Variants in ARHGAP42 observed in about 807,000 individuals in gnomAD.
ARHGAP42 encodes rho GTPase-activating protein 42.
ARHGAP42 carries 63 observed loss-of-function variants against 125.0 expected under a neutral mutation model. The ratio of observed to expected loss-of-function variants is 0.50; its 90% CI spans 0.41 to 0.62. The LOEUF is 0.62. Ranked by LOEUF, ARHGAP42 falls within the 20% of genes least tolerant of loss-of-function variation. ARHGAP42 has a pLI of 0.00. For synonymous variants in ARHGAP42, 339 were observed against 351.0 expected (o/e 0.97, Z 0.38); for missense variants, 766 against 1,024.2 (o/e 0.75, Z 3.44).
intron 3 of ARHGAP42, among the ~76,000 whole-genome samples, chr11:100,832,119 T>G (rs138136104): frequency 3.7e-4 from 57 of 152,340 alleles, no homozygotes; most frequent in African/African-American, 1.3e-3. Context: ...AGAGATGGCT[T>G]TGTGAGCCCA....
chr11:100,863,126 C>T (rs912341990), intron 4 of ARHGAP42, among the ~76,000 whole-genome samples: 2 of 150,844 alleles, frequency 1.3e-5, no homozygotes, highest in Admixed American at 1.3e-4. Flanking sequence ...ATGTATAGAT[C>T]AATTTTCTTT....
chr11:100,863,981 C>A (rs565108676), intron 4 of ARHGAP42, among the ~76,000 whole-genome samples: 1 of 152,118 alleles, frequency 6.6e-6, no homozygotes, highest in Admixed American at 6.6e-5. Flanking sequence ...TTTGCATCAA[C>A]CAAATAATAT....
At chr11:100,961,203 C>A (rs951700065) in intron 14 of ARHGAP42, among the ~76,000 whole-genome samples, 1 of 151,872 alleles carries the variant, frequency 6.6e-6, no homozygotes, top group Admixed American at 6.6e-5. Flanking sequence ...CCCAAGTGTC[C>A]TTTGGTAAGC....
intron 4 of ARHGAP42, among the ~76,000 whole-genome samples, chr11:100,871,731 ATCACTGTTAGGTTCATTTGT>A (rs1002835853): frequency 2.6e-5 from 4 of 152,200 alleles, no homozygotes; most frequent in Non-Finnish European, 5.9e-5. Flanking sequence ...TTTGCTGAAC[ATCACTGTTAGGTTCATTTGT>A]TCTTTTTTTT....
At chr11:100,738,865 A>G (rs1470101812) in intron 1 of ARHGAP42, among the ~76,000 whole-genome samples, 1 of 152,226 alleles carries the variant, frequency 6.6e-6, no homozygotes, top group Non-Finnish European at 1.5e-5. Context: ...TTCCTTGCCA[A>G]GGTCAATGCT....
intron 11 of ARHGAP42, 120 bp downstream of exon 11, chr11:100,948,655 G>A: frequency 1.4e-6 from 1 of 737,616 alleles, no homozygotes; most frequent in Admixed American, 3.2e-5. Flanking sequence ...ATTAAAAAAG[G>A]AAATCAGGGG....
chr11:100,857,212 A>G (rs1385447201), intron 3 of ARHGAP42, among the ~76,000 whole-genome samples: 1 of 152,072 alleles, frequency 6.6e-6, no homozygotes. Context: ...TAACATTAAT[A>G]GAACGGGAGA....
At chr11:100,748,100 C>G (rs1450231062) in intron 1 of ARHGAP42, among the ~76,000 whole-genome samples, 1 of 151,956 alleles carries the variant, frequency 6.6e-6, no homozygotes, top group Non-Finnish European at 1.5e-5. Context: ...ACATGTTACA[C>G]TGTTAACTTT....
In ARHGAP42 at chr11:100,989,316, T is replaced by G. The variant is rs1171786389; in HGVS notation, c.*515T>G. ...GTCCTAAACATTTCAAGGATGTAAG[T>G]CTTTGTTTTAATATAACTTTATTTG... On this transcript the variant is annotated 3_prime_UTR_variant, in exon 24 of 24. Coordinates refer to ENST00000298815, the MANE Select transcript of ARHGAP42 (RefSeq NM_152432.4). 12 of 392,216 alleles carry G rather than the reference T, an allele frequency of 3.1e-5. No individual in the cohort carries two copies. Among genetic ancestry groups the G allele is most frequent in the Middle Eastern group, 1.3e-3 (2 of 1,584 alleles). 24.3% of individuals were successfully genotyped at this position (392,216 alleles called of 1,614,324 possible). A position where few individuals can be genotyped will look rare whatever the true frequency, so the allele number is the denominator to read the frequency against.
At chr11:100,788,261 T>C (rs1441218279) in intron 2 of ARHGAP42, among the ~76,000 whole-genome samples, 1 of 152,216 alleles carries the variant, frequency 6.6e-6, no homozygotes, top group African/African-American at 2.4e-5. Flanking sequence ...GAGCGTGTTC[T>C]CAAGATGACT....
chr11:100,748,378 C>G (rs558392946), intron 1 of ARHGAP42, among the ~76,000 whole-genome samples: 2 of 152,124 alleles, frequency 1.3e-5, no homozygotes, highest in African/African-American at 2.4e-5. Flanking sequence ...CTCAATCACC[C>G]GACTGTCCTG....
rs1343215005 is a variant in ARHGAP42, at chr11:100,875,101, CTCTCTCTG to C, written c.384+15478_384+15485del. Among the ~76,000 whole-genome samples the C allele has an allele frequency of 4.9e-3, 454 of 93,410 alleles. 1 individual carries two copies. The East Asian group carries it at 0.05, about 10-fold the overall frequency. The allele number at this position is 93,410 out of a possible 152,430, so 61.3% of individuals were successfully genotyped here. The stretch of plus-strand genomic sequence containing the variant: ...TCTCTCTCTCTCTCTCTCTCTCTCT[CTCTCTCTG>C]TGTGTGTGTGTGTGTGTGTGTGTGT... On this transcript the variant is annotated intron_variant, in intron 4 of 23. Coordinates refer to ENST00000298815, the MANE Select transcript of ARHGAP42 (RefSeq NM_152432.4).
chr11:100,951,299 C>A (rs1055989681), intron 12 of ARHGAP42, among the ~76,000 whole-genome samples: 1 of 151,962 alleles, frequency 6.6e-6, no homozygotes, highest in African/African-American at 2.4e-5. Context: ...TTATTGGAAT[C>A]AAGGAAAGTG....
intron 5 of ARHGAP42, 98 bp downstream of exon 5, chr11:100,913,651 A>C (rs1866986476): frequency 2.0e-6 from 1 of 489,234 alleles, no homozygotes; most frequent in African/African-American, 2.1e-5. Flanking sequence ...ACTATTTAAT[A>C]AAATAATTAT....
At chr11:100,788,441 G>T (rs1863486173) in intron 2 of ARHGAP42, among the ~76,000 whole-genome samples, 2 of 152,170 alleles carry the variant, frequency 1.3e-5, no homozygotes, top group Admixed American at 1.3e-4. Flanking sequence ...ATGCCTCCAA[G>T]TACTAGGTCG....
chr11:100,992,216 C>T lies in ARHGAP42; in HGVS notation c.*3415C>T. 1 of 1,404,722 alleles carries T rather than the reference C, an allele frequency of 7.1e-7. No individual in the cohort carries two copies. The highest frequency in any genetic ancestry group is 9.6e-7 in the Non-Finnish European group (1 of 1,043,226). 87.0% of individuals were successfully genotyped at this position (1,404,722 alleles called of 1,614,324 possible). A position where few individuals can be genotyped will look rare whatever the true frequency, so the allele number is the denominator to read the frequency against. ...TTTAGCATTTAGAACCCCAACTAGACTTATACTTTGACTAAAGTCAGAGGC... is the reference window on the plus strand; with the variant it reads ...TTTAGCATTTAGAACCCCAACTAGATTTATACTTTGACTAAAGTCAGAGGC... On this transcript the variant is annotated 3_prime_UTR_variant, in exon 24 of 24. Transcript: ENST00000298815.
intron 3 of ARHGAP42, among the ~76,000 whole-genome samples, chr11:100,828,322 A>C (rs1340215168): frequency 2.0e-5 from 3 of 151,950 alleles, no homozygotes; most frequent in African/African-American, 7.2e-5. Flanking sequence ...TTTTGCTTAG[A>C]GCTTTCTTTA....
intron 3 of ARHGAP42, among the ~76,000 whole-genome samples, chr11:100,843,181 A>G (rs936840416): frequency 6.6e-6 from 1 of 152,108 alleles, no homozygotes; most frequent in African/African-American, 2.4e-5. Flanking sequence ...CAGGGCTACT[A>G]TGAACACCTT....
intron 3 of ARHGAP42, among the ~76,000 whole-genome samples, chr11:100,800,701 G>A (rs759237685): frequency 2.6e-5 from 4 of 152,046 alleles, no homozygotes; most frequent in East Asian, 1.9e-4. Context: ...TTCTGCTTTC[G>A]TGAAATCATA....
Sources: allele counts gnomAD v4.1 joint callset (sites outside exome capture counted in the v4.1 genomes callset), GRCh38; gene constraint gnomAD v4.1.1; transcripts MANE v1.5; gene names NCBI Gene and HGNC (gene_info 2026-07-23, HGNC 2026-07-21).